MRC2: variants seen among roughly 807,000 people sequenced by gnomAD.
The protein encoded by MRC2 is mannose receptor C-type 2.
MRC2 carries 84 observed loss-of-function variants against 206.2 expected under a neutral mutation model. The observed-to-expected ratio is 0.41, with a 90% CI of 0.34 to 0.49. The LOEUF (loss-of-function observed/expected upper bound fraction) is 0.49, where lower values mean the gene tolerates loss of function less well. Among genes scored for constraint, MRC2 ranks in the 20% least tolerant of loss-of-function variants. The pLI is 0.31. For synonymous variants in MRC2, 798 were observed against 800.0 expected (o/e 1.00, Z 0.04); for missense variants, 1,676 against 2,001.5 (o/e 0.84, Z 3.10).
intron 26 of MRC2, 69 bp downstream of exon 26, chr17:62,690,374 A>G (rs988711197): frequency 3.1e-5 from 47 of 1,534,432 alleles, no homozygotes; most frequent in Non-Finnish European, 3.8e-5. Context: ...ACTCAGACCC[A>G]TGAGTACATC....
intron 1 of MRC2, among the ~76,000 whole-genome samples, chr17:62,651,955 TG>T (rs563843624): frequency 1.3e-5 from 2 of 152,148 alleles, no homozygotes; most frequent in African/African-American, 4.8e-5. Context: ...CTTTTGTTTG[TG>T]GGGGGGTATC....
intron 1 of MRC2, among the ~76,000 whole-genome samples, chr17:62,633,478 G>A (rs1194629595): frequency 1.4e-5 from 2 of 147,988 alleles, no homozygotes; most frequent in African/African-American, 5.0e-5. Context: ...ACTGCAGCCT[G>A]GGCAACAGAG....
At position 62,652,957 on chromosome 17, in the gene MRC2, C is replaced by T. The variant is rs2088575075; in HGVS notation, c.119-11591C>T. On this transcript the variant is annotated intron_variant, in intron 1 of 29. Transcript: ENST00000303375. This position sits in a 1 kb window ranked among gnomAD's most constrained non-coding sequence, Gnocchi z 4.6. The stretch of plus-strand genomic sequence containing the variant: ...CAGAAGCAGAGAAGACTCGGAACTC[C>T]AAGAGCAGGTGGATCTGGGAGCCCC... 6.6e-6 allele frequency among the ~76,000 whole-genome samples: 1 copy of T among 151,994 alleles called. No homozygotes were observed. Among genetic ancestry groups the T allele is most frequent in the Non-Finnish European group, 1.5e-5 (1 of 67,998 alleles).
intron 8 of MRC2, among the ~76,000 whole-genome samples, chr17:62,673,079 T>C (rs2147473325): frequency 6.6e-6 from 1 of 152,302 alleles, no homozygotes; most frequent in African/African-American, 2.4e-5. Context: ...TGCTGTCACA[T>C]ACTGCAAACA....
At position 62,674,869 on chromosome 17, in the gene MRC2, C is replaced by A. The variant is rs78296800; in HGVS notation, c.1569+699C>A. On this transcript the variant is annotated intron_variant, in intron 9 of 29. Transcript: ENST00000303375. ...TAAAAGACACTGCTTGGCCCTTGGC[C>A]CCCCCCAGCAGCCCCTTGCAGCCAG... Among the ~76,000 whole-genome samples, 710 of 152,120 alleles carry A rather than the reference C, an allele frequency of 4.7e-3. 7 individuals carry two copies. The highest frequency in any genetic ancestry group is 0.016 in the African/African-American group (662 of 41,490).
intron 12 of MRC2, among the ~76,000 whole-genome samples, chr17:62,677,848 G>A (rs1028556773): frequency 1.1e-4 from 17 of 152,078 alleles, no homozygotes; most frequent in Admixed American, 2.0e-4. Context: ...TCAGGAGATC[G>A]AGACCATCCT....
chr17:62,676,361 C>T (rs980923042), intron 10 of MRC2, 22 bp from the exon 11 acceptor site: 36 of 1,612,616 alleles, frequency 2.2e-5, no homozygotes, highest in Non-Finnish European at 2.9e-5. Context: ...GATCCCTGCC[C>T]TGACCAGCCT....
intron 1 of MRC2, 30 bp downstream of exon 1, chr17:62,627,950 G>A: frequency 7.3e-7 from 1 of 1,363,880 alleles, no homozygotes; most frequent in South Asian, 1.6e-5. Flanking sequence ...GCCAACTTCA[G>A]GGCCCGGGCG....
Position 62,693,219 on chromosome 17 carries a change from C to T in MRC2, c.*768C>T, listed in dbSNP as rs2089132853. 6.6e-6 allele frequency: 1 copy of T among 152,528 alleles called. No homozygotes were observed. 9.4% of individuals were successfully genotyped at this position (152,528 alleles called of 1,614,324 possible). On this transcript the variant is annotated 3_prime_UTR_variant, in exon 30 of 30. Coordinates refer to ENST00000303375, the MANE Select transcript of MRC2 (RefSeq NM_006039.5). ...GAGGGCTCTGCCCCTGGAAGAGTCC[C>T]CTGTGGGGACCAAAATAAGTTCCCT...
intron 1 of MRC2, among the ~76,000 whole-genome samples, chr17:62,639,622 T>C (rs1287366892): frequency 6.6e-6 from 1 of 152,148 alleles, no homozygotes; most frequent in Non-Finnish European, 1.5e-5. Context: ...ATAAAAAAAA[T>C]GTTCTTAGAA....
In MRC2 at chr17:62,692,518, C is replaced by T. The variant is rs2089125736; in HGVS notation, c.*67C>T. Reference sequence around the variant, plus strand: ...AGCTGGGGCCCTGGGTCAGTCTGGCCCCCCACCAGCTGCCTGTCCAGTTGG... The same window carrying T: ...AGCTGGGGCCCTGGGTCAGTCTGGCTCCCCACCAGCTGCCTGTCCAGTTGG... On this transcript the variant is annotated 3_prime_UTR_variant, in exon 30 of 30. Coordinates refer to ENST00000303375, the MANE Select transcript of MRC2 (RefSeq NM_006039.5). The surrounding 1 kb of genome is among the most constrained non-coding windows in gnomAD (Gnocchi z 4.2). 1.4e-6 allele frequency: 2 copies of T among 1,448,114 alleles called. No individual in the cohort carries two copies. The highest frequency in any genetic ancestry group is 4.1e-5 in the Admixed American group (2 of 48,462). 89.7% of individuals were successfully genotyped at this position (1,448,114 alleles called of 1,614,324 possible). A position where few individuals can be genotyped will look rare whatever the true frequency, so the allele number is the denominator to read the frequency against.
chr17:62,653,849 C>T (rs2088586877), intron 1 of MRC2, among the ~76,000 whole-genome samples: 1 of 152,112 alleles, frequency 6.6e-6, no homozygotes, highest in East Asian at 1.9e-4. Context: ...TATTGGGCTT[C>T]GATATCATGT....
chr17:62,681,242 G>A, intron 18 of MRC2, 113 bp downstream of exon 18: 5 of 1,300,390 alleles, frequency 3.8e-6, no homozygotes, highest in Non-Finnish European at 5.4e-6. Context: ...TGGCTGTGTG[G>A]CCTTGAGCAA....
In MRC2 at chr17:62,689,674, G is replaced by A. The variant is rs758634027; in HGVS notation, c.3487G>A (p.Val1163Met). The A allele has an allele frequency of 5.7e-6, 9 of 1,588,388 alleles. No individual in the cohort carries two copies. The highest frequency in any genetic ancestry group is 1.3e-5 in the African/African-American group (1 of 74,716). ...CESRNASLAY[V>M]PDPYTQAFLT... Reference sequence around the variant, plus strand: ...GAGCCGCAATGCCAGCCTGGCCTACGTGCCCGACCCCTACACCCAGGCCTT... The same window carrying A: ...GAGCCGCAATGCCAGCCTGGCCTACATGCCCGACCCCTACACCCAGGCCTT... The change falls in exon 24 of 30, where the codon GTG becomes ATG. Residue 1163 changes from valine (V) to methionine (M), a missense_variant. Transcript: ENST00000303375.
chr17:62,666,251 C>T lies in MRC2; in HGVS notation c.678C>T (p.Gly226=), dbSNP rs745808862. 45 of 1,583,196 alleles carry T rather than the reference C, an allele frequency of 2.8e-5. No individual in the cohort carries two copies. The Admixed American group carries it at 7.9e-4, about 28-fold the overall frequency. Reference sequence around the variant, plus strand: ...ACTACGGCAAAGACGAGCGCTGGGGCTTCTGCCCCATCAAGAGTGAGAGCT... The same window carrying T: ...ACTACGGCAAAGACGAGCGCTGGGGTTTCTGCCCCATCAAGAGTGAGAGCT... ...TQDYGKDERW[G]FCPIKSNDCE... The change falls in exon 3 of 30, where the codon GGC becomes GGT. Residue 226 remains glycine (G), a synonymous_variant. Transcript: ENST00000303375. The surrounding 1 kb of genome is among the most constrained non-coding windows in gnomAD (Gnocchi z 5.0).
In MRC2 at chr17:62,692,231, C is replaced by A; in HGVS notation, c.4220C>A (p.Ala1407Glu). 1.2e-6 allele frequency: 2 copies of A among 1,611,674 alleles called. No individual in the cohort carries two copies. Among genetic ancestry groups the A allele is most frequent in the South Asian group, 2.2e-5 (2 of 90,800 alleles). Residue 1407 changes from alanine (A) to glutamate (E), a missense_variant and splice_region_variant, in exon 30 of 30, where the codon GCG (alanine) becomes GAG (glutamate). Ala to Glu is a moderately radical substitution (Grantham distance 107, BLOSUM62 -1). This residue lies in a region of MRC2 where 1,354 missense variants were observed against 1,636.6 expected (regional missense o/e 0.83). Transcript: ENST00000303375. This position sits in a 1 kb window ranked among gnomAD's most constrained non-coding sequence, Gnocchi z 4.2. The stretch of plus-strand genomic sequence containing the variant: ...CTTTCACGCCCACTCGCCTTGGCAG[C>A]GCTTCCAGAGAACCCAGCGGCCCTG... ...RAEQSSFSPS[A>E]LPENPAALVV...
intron 1 of MRC2, among the ~76,000 whole-genome samples, chr17:62,631,083 C>T (rs1328678822): frequency 6.6e-6 from 1 of 152,118 alleles, no homozygotes; most frequent in African/African-American, 2.4e-5. Flanking sequence ...CCAGAGAAAT[C>T]CTGGCTTTCT....
At chr17:62,668,362 AT>A (rs200527265) in intron 6 of MRC2, among the ~76,000 whole-genome samples, 40 of 140,612 alleles carry the variant, frequency 2.8e-4, no homozygotes, top group East Asian at 6.4e-4. Flanking sequence ...GCCTCAAAAA[AT>A]AAATAAATAA....
At chr17:62,688,466 CAG>C in intron 21 of MRC2, 33 bp from the exon 22 acceptor site, 1 of 1,614,148 alleles carries the variant, frequency 6.2e-7, no homozygotes, top group Non-Finnish European at 8.5e-7. Flanking sequence ...ATAGCTATAG[CAG>C]AGTCACTCAC....
Sources: gnomAD v4.1 joint callset for allele counts (sites outside exome capture counted in the v4.1 genomes callset) on GRCh38, gnomAD v4.1.1 for gene constraint, gnomAD v4.1.1 regional missense constraint, Gnocchi (gnomAD v3.1) non-coding constraint, MANE v1.5 for transcripts, NCBI Gene and HGNC (gene_info 2026-07-23, HGNC 2026-07-21) for gene names.